Variants in CMIP observed in about 807,000 individuals in gnomAD.
CMIP encodes C-Maf-inducing protein.
A neutral mutation model predicts 97.3 loss-of-function variants in CMIP; 13 were observed. That is an observed-to-expected ratio of 0.13 (90% confidence interval 0.09 to 0.21). The LOEUF is 0.21. Ranked by LOEUF, CMIP falls within the 10% of genes least tolerant of loss-of-function variation. CMIP has a pLI of 1.00. For missense variants in CMIP, 847 were observed against 1,024.9 expected (o/e 0.83, Z 2.37); for synonymous variants, 538 against 436.3 (o/e 1.23, Z -2.91).
intron 9 of CMIP, among the ~76,000 whole-genome samples, chr16:81,677,167 C>G (rs968178908): frequency 1.3e-5 from 2 of 152,030 alleles, no homozygotes; most frequent in Non-Finnish European, 2.9e-5. Flanking sequence ...GCAAGAGTAG[C>G]AGGAAGAAAT....
At chr16:81,707,648 A>G (rs1408617104) in intron 20 of CMIP, among the ~76,000 whole-genome samples, 1 of 152,258 alleles carries the variant, frequency 6.6e-6, no homozygotes, top group Non-Finnish European at 1.5e-5. Context: ...TAGGCCAGCA[A>G]GTGAAATCCG....
chr16:81,653,108 C>T (rs927246520), intron 4 of CMIP, among the ~76,000 whole-genome samples: 14 of 152,322 alleles, frequency 9.2e-5, no homozygotes, highest in Admixed American at 8.5e-4. Context: ...CTATTCTAGG[C>T]GCTTTACAAA....
intron 1 of CMIP, among the ~76,000 whole-genome samples, chr16:81,569,830 G>A (rs991685763): frequency 6.6e-6 from 1 of 152,196 alleles, no homozygotes; most frequent in South Asian, 2.1e-4. Context: ...CTGTAAAATG[G>A]GAGCAGTATT....
intron 3 of CMIP, among the ~76,000 whole-genome samples, chr16:81,628,101 T>TAGAAGGGGGGATCCCTAC (rs1193206149): frequency 6.6e-6 from 1 of 152,042 alleles, no homozygotes; most frequent in African/African-American, 2.4e-5. Flanking sequence ...AGGGCCATGC[T>TAGAAGGGGGGATCCCTAC]AGAAGGGGGG....
chr16:81,711,010 C>G lies in CMIP; in HGVS notation c.*1211C>G, dbSNP rs1243901938. The G allele has an allele frequency of 6.7e-6, 1 of 149,550 alleles. No individual in the cohort carries two copies. The highest frequency in any genetic ancestry group is 1.5e-5 in the Non-Finnish European group (1 of 67,278). The allele number at this position is 149,550 out of a possible 1,614,324, so 9.3% of individuals were successfully genotyped here. ...TGTCGCCTCCGCCAGTCCGACTGCC[C>G]TCCCCACCCCACCCCCGCCACCCCC... On this transcript the variant is annotated 3_prime_UTR_variant, in exon 21 of 21. Coordinates refer to ENST00000537098, the MANE Select transcript of CMIP (RefSeq NM_198390.3).
chr16:81,494,926 C>T (rs1261027120), intron 1 of CMIP, among the ~76,000 whole-genome samples: 4 of 152,202 alleles, frequency 2.6e-5, no homozygotes, highest in Non-Finnish European at 5.9e-5. Context: ...ACCAGTATCG[C>T]ACTTTACAGA....
intron 1 of CMIP, among the ~76,000 whole-genome samples, chr16:81,583,993 A>G (rs962523929): frequency 6.6e-6 from 1 of 152,218 alleles, no homozygotes; most frequent in Non-Finnish European, 1.5e-5. Context: ...AGGCAGAGGT[A>G]GGATAGAGGG....
intron 1 of CMIP, among the ~76,000 whole-genome samples, chr16:81,446,695 G>A (rs1006907648): frequency 6.6e-6 from 1 of 152,134 alleles, no homozygotes; most frequent in Admixed American, 6.5e-5. Flanking sequence ...ATAGGGTGTC[G>A]CTTACATGGC....
At chr16:81,653,622 C>T (rs1314633325) in intron 4 of CMIP, among the ~76,000 whole-genome samples, 1 of 152,204 alleles carries the variant, frequency 6.6e-6, no homozygotes, top group Non-Finnish European at 1.5e-5. Context: ...GGTCCCTGCT[C>T]ACCTGTAGTA....
chr16:81,630,236 C>CA (rs550582451), intron 3 of CMIP: 31 of 152,374 alleles, frequency 2.0e-4, no homozygotes, highest in African/African-American at 7.5e-4. Context: ...AACATTCATT[C>CA]TTCTTCTCTG....
At chr16:81,474,912 G>T (rs543043038) in intron 1 of CMIP, among the ~76,000 whole-genome samples, 4 of 152,364 alleles carry the variant, frequency 2.6e-5, no homozygotes, top group African/African-American at 9.6e-5. Flanking sequence ...ACTGCTGGTG[G>T]ACTGAATGTG....
chr16:81,495,594 A>C, intron 1 of CMIP: 1 of 1,273,498 alleles, frequency 7.9e-7, no homozygotes, highest in Non-Finnish European at 1.1e-6. Flanking sequence ...TCACAGACCC[A>C]CTTCTCAGAG....
At chr16:81,568,041 T>TGTGTGTG (rs1555531353) in intron 1 of CMIP, among the ~76,000 whole-genome samples, 4 of 29,864 alleles carry the variant, frequency 1.3e-4, no homozygotes, top group Middle Eastern at 0.014. Flanking sequence ...GTGTGTGTGT[T>TGTGTGTG]TTTTTTTTTT....
chr16:81,578,331 C>T lies in CMIP; in HGVS notation c.301-29236C>T, dbSNP rs1344562465. 2.6e-5 allele frequency among the ~76,000 whole-genome samples: 4 copies of T among 152,244 alleles called. No individual in the cohort carries two copies. In the East Asian group the frequency reaches 7.7e-4, roughly 29 times the overall value. ...GTGAGAGACACTGCATATAAGGTCT[C>T]TTTCCTGCTCTTCCTGGGGTCTTTG... is the stretch of plus-strand genomic sequence containing the variant. On this transcript the variant is annotated intron_variant, in intron 1 of 20. Coordinates refer to ENST00000537098, the MANE Select transcript of CMIP (RefSeq NM_198390.3).
At chr16:81,626,218 C>CATGAGAATGTGTGT (rs1555539819) in intron 3 of CMIP, among the ~76,000 whole-genome samples, 5 of 151,224 alleles carry the variant, frequency 3.3e-5, no homozygotes, top group African/African-American at 1.2e-4. Context: ...TGTGTGTGCG[C>CATGAGAATGTGTGT]GTGAGAATGT....
chr16:81,628,798 G>A (rs778388722), intron 3 of CMIP, among the ~76,000 whole-genome samples: 4 of 152,144 alleles, frequency 2.6e-5, no homozygotes, highest in East Asian at 1.9e-4. Context: ...TGAGGCTTGC[G>A]TGAGAGCTTT....
intron 1 of CMIP, among the ~76,000 whole-genome samples, chr16:81,566,973 G>T (rs1217354174): frequency 6.6e-6 from 1 of 152,238 alleles, no homozygotes; most frequent in African/African-American, 2.4e-5. Flanking sequence ...GTTACTTCTT[G>T]AGGGAATTGC....
At chr16:81,618,492 G>C (rs747730248) in intron 2 of CMIP, 1 of 152,214 alleles carries the variant, frequency 6.6e-6, no homozygotes, top group Non-Finnish European at 1.5e-5. Flanking sequence ...TGTTTAGGGG[G>C]CTTTATTTTC....
In CMIP at chr16:81,453,304, G is replaced by A. The variant is rs142312963; in HGVS notation, c.300+7763G>A. ...TGGAGGGAAGCACGTGGTCTGGATC[G>A]TCTGGTCCCTGGTGGATATAGGATT... On this transcript the variant is annotated intron_variant, in intron 1 of 20. Coordinates refer to ENST00000537098, the MANE Select transcript of CMIP (RefSeq NM_198390.3). The surrounding 1 kb of genome is among the most constrained non-coding windows in gnomAD (Gnocchi z 4.0). 2.0e-5 allele frequency among the ~76,000 whole-genome samples: 3 copies of A among 152,230 alleles called. No homozygotes were observed. Among genetic ancestry groups the A allele is most frequent in the Non-Finnish European group, 4.4e-5 (3 of 68,036 alleles).
Sources: allele counts gnomAD v4.1 joint callset (sites outside exome capture counted in the v4.1 genomes callset), GRCh38; gene constraint gnomAD v4.1.1; non-coding constraint Gnocchi (gnomAD v3.1); transcripts MANE v1.5; gene names NCBI Gene and HGNC (gene_info 2026-07-23, HGNC 2026-07-21).